The following EHD1 variants were observed in gnomAD, a reference collection of about 807,000 sequenced individuals.
EHD1 encodes the protein EH domain containing 1, also known as EH domain-containing protein 1.
Under a neutral mutation model 39.0 loss-of-function variants are expected in EHD1, and 19 were observed. The observed-to-expected ratio is 0.49, with a 90% CI of 0.34 to 0.72. The LOEUF (loss-of-function observed/expected upper bound fraction) is 0.72, where lower values mean the gene tolerates loss of function less well. EHD1 is among the 30% of genes least tolerant of loss of function. The probability of loss-of-function intolerance (pLI) is 0.01; values close to 1 mark genes in which losing one functional copy is unlikely to be tolerated. For synonymous variants in EHD1, 323 were observed against 331.2 expected (o/e 0.98, Z 0.27); for missense variants, 542 against 751.5 (o/e 0.72, Z 3.26).
chr11:64,860,324 G>A lies in EHD1; in HGVS notation c.515C>T (p.Ala172Val). 5 of 1,611,632 alleles carry A rather than the reference G, an allele frequency of 3.1e-6. No individual in the cohort carries two copies. Among genetic ancestry groups the A allele is most frequent in the Non-Finnish European group, 4.2e-6 (5 of 1,178,264 alleles). Residue 172 changes from alanine (A) to valine (V), a missense_variant, in exon 3 of 5, where the codon GCA (alanine) becomes GTA (valine). Physicochemically the swap from Ala to Val is moderately conservative, Grantham distance 64. Coordinates refer to ENST00000320631, the MANE Select transcript of EHD1 (RefSeq NM_006795.4). ...CTCCGCGAACCACTCCAGGACGGCT[G>A]CAAAGTCATAGCCTGGGGGGAAGAG... ...KQRISRGYDFAAVLEWFAERV... is the reference protein window; with the variant it reads ...KQRISRGYDFVAVLEWFAERV...
At chr11:64,855,665 C>T in intron 3 of EHD1, 179 bp from the exon 4 acceptor site, 1 of 837,746 alleles carries the variant, frequency 1.2e-6, no homozygotes, top group Non-Finnish European at 1.8e-6. Flanking sequence ...GGAGCAGACA[C>T]AATCTGGCAA....
In EHD1 at chr11:64,868,111, G is replaced by A. The variant is rs1171538662; in HGVS notation, c.502+6310C>T. Among the ~76,000 whole-genome samples the A allele has an allele frequency of 2.0e-5, 3 of 152,226 alleles. No homozygotes were observed. Among genetic ancestry groups the A allele is most frequent in the African/African-American group, 7.2e-5 (3 of 41,444 alleles). On this transcript the variant is annotated intron_variant, in intron 2 of 4. Transcript: ENST00000320631. This position sits in a 1 kb window ranked among gnomAD's most constrained non-coding sequence, Gnocchi z 4.2. ...AAAACACAGGTAGTTCCAGCCGCAG[G>A]GGGAAAAGCTGCTTTATACATTCCA...
At chr11:64,879,646 G>A (rs1360409619), upstream of EHD1, 3 of 1,550,842 alleles carry the variant, frequency 1.9e-6, no homozygotes, top group East Asian at 4.9e-5. Context: ...TCACTCCCCC[G>A]CCATCCTCCC....
intron 2 of EHD1, among the ~76,000 whole-genome samples, chr11:64,863,489 C>G (rs1229519935): frequency 6.6e-6 from 1 of 152,232 alleles, no homozygotes; most frequent in Admixed American, 6.5e-5. Context: ...GCATCCGCTG[C>G]TCCCACCCTG....
At chr11:64,860,360 T>C in intron 2 of EHD1, 24 bp from the exon 3 acceptor site, 1 of 1,594,348 alleles carries the variant, frequency 6.3e-7, no homozygotes. Flanking sequence ...AAGGGAGAGC[T>C]CAGGGGCGCC....
chr11:64,877,011 T>A (rs1303244832), intron 1 of EHD1, among the ~76,000 whole-genome samples: 1 of 152,202 alleles, frequency 6.6e-6, no homozygotes, highest in African/African-American at 2.4e-5. Context: ...GAAAGGAATG[T>A]GACCGTGCAG....
Position 64,868,550 on chromosome 11 carries a change from T to C in EHD1, c.502+5871A>G, listed in dbSNP as rs559024007. On this transcript the variant is annotated intron_variant, in intron 2 of 4. Transcript: ENST00000320631. The surrounding 1 kb of genome is among the most constrained non-coding windows in gnomAD (Gnocchi z 4.2). ...ACACAGATGCAGCTCAGAAGCATCC[T>C]GCTAAGTGAAGGTGGAAGCAAAAGG... Among the ~76,000 whole-genome samples, 11 of 152,316 alleles carry C rather than the reference T, an allele frequency of 7.2e-5. No individual in the cohort carries two copies. Among genetic ancestry groups the C allele is most frequent in the Middle Eastern group, 3.4e-3 (1 of 294 alleles).
Position 64,860,329 on chromosome 11 carries a change from G to C in EHD1, c.510C>G (p.Asp170Glu), listed in dbSNP as rs147528048. The C allele has an allele frequency of 1.9e-6, 3 of 1,609,382 alleles. No individual in the cohort carries two copies. In the South Asian group the frequency reaches 3.3e-5, roughly 18 times the overall value. The change falls in exon 3 of 5, where the codon GAC (aspartate) becomes GAG (glutamate). Residue 170 changes from aspartate to glutamate, a missense_variant. Asp to Glu is a conservative substitution (Grantham distance 45). Coordinates refer to ENST00000320631, the MANE Select transcript of EHD1 (RefSeq NM_006795.4). ...GEKQRISRGY[D>E]FAAVLEWFAE... ...CGAACCACTCCAGGACGGCTGCAAA[G>C]TCATAGCCTGGGGGGAAGAGAAGGG... is the stretch of plus-strand genomic sequence containing the variant.
rs34278325 is a variant in EHD1, at chr11:64,861,019, C to CAA, written c.503-685_503-684dup. ...TGGGCAACAGTGTGAGACTCCATCTCAAAAAAAAAAAAAAAAAATAGCCGG... is the reference window on the plus strand; with the variant it reads ...TGGGCAACAGTGTGAGACTCCATCTCAAAAAAAAAAAAAAAAAAAATAGCCGG... On this transcript the variant is annotated intron_variant, in intron 2 of 4. Coordinates refer to ENST00000320631, the MANE Select transcript of EHD1 (RefSeq NM_006795.4). Among the ~76,000 whole-genome samples the CAA allele has an allele frequency of 3.1e-3, 347 of 112,186 alleles. 5 individuals are homozygous for CAA. Among genetic ancestry groups the CAA allele is most frequent in the South Asian group, 9.7e-3 (32 of 3,310 alleles). The allele number at this position is 112,186 out of a possible 152,430, so 73.6% of individuals were successfully genotyped here. A position where few individuals can be genotyped will look rare whatever the true frequency, so the allele number is the denominator to read the frequency against.
At chr11:64,860,720 A>C (rs1264830948) in intron 2 of EHD1, among the ~76,000 whole-genome samples, 8 of 79,136 alleles carry the variant, frequency 1.0e-4, no homozygotes, top group East Asian at 6.8e-4. Context: ...ACTGTCGCGA[A>C]AAAAAAAAAA....
intron 1 of EHD1, 147 bp downstream of exon 1, chr11:64,877,914 G>GAATCGGGAGCGACCCA: frequency 1.3e-6 from 1 of 797,804 alleles, no homozygotes; most frequent in Non-Finnish European, 1.8e-6. Context: ...AAGGGGCAGG[G>GAATCGGGAGCGACCCA]CCCTTGGACC....
intron 2 of EHD1, among the ~76,000 whole-genome samples, chr11:64,860,630 A>G (rs1943705611): frequency 6.6e-6 from 1 of 151,448 alleles, no homozygotes; most frequent in Non-Finnish European, 1.5e-5. Context: ...GAAGCAGGAG[A>G]ATCGCTTGAA....
intron 2 of EHD1, among the ~76,000 whole-genome samples, chr11:64,871,655 G>A (rs1223619773): frequency 3.3e-5 from 5 of 152,176 alleles, no homozygotes; most frequent in East Asian, 3.9e-4. Context: ...TCCAATCAGC[G>A]TGATGTGCTT....
rs991962819 is a variant in EHD1 at position 64,868,030 on chromosome 11, C to A, written c.502+6391G>T. Among the ~76,000 whole-genome samples, 13 of 152,338 alleles carry A rather than the reference C, an allele frequency of 8.5e-5. No individual in the cohort carries two copies. In the Middle Eastern group the frequency reaches 0.01, roughly 120 times the overall value. ...ACAGCTGGACCATGTTTCCCGCCAGCACAGAAGGGGAAGAGGGAGGTTCTC... is the reference window on the plus strand; with the variant it reads ...ACAGCTGGACCATGTTTCCCGCCAGAACAGAAGGGGAAGAGGGAGGTTCTC... On this transcript the variant is annotated intron_variant, in intron 2 of 4. Transcript: ENST00000320631. The surrounding 1 kb of genome is among the most constrained non-coding windows in gnomAD (Gnocchi z 4.2).
At chr11:64,876,344 T>G (rs1943885210) in intron 1 of EHD1, among the ~76,000 whole-genome samples, 1 of 152,188 alleles carries the variant, frequency 6.6e-6, no homozygotes, top group African/African-American at 2.4e-5. Flanking sequence ...CTCCCCACAC[T>G]ACACATCCTG....
At chr11:64,859,040 C>G in intron 3 of EHD1, among the ~76,000 whole-genome samples, 1 of 152,264 alleles carries the variant, frequency 6.6e-6, no homozygotes, top group Non-Finnish European at 1.5e-5. Context: ...GCCAGGCCCC[C>G]CCAGCCCTTC....
chr11:64,874,096 G>A (rs1943859415), intron 2 of EHD1, among the ~76,000 whole-genome samples: 1 of 151,046 alleles, frequency 6.6e-6, no homozygotes, highest in Non-Finnish European at 1.5e-5. Flanking sequence ...ATGAGGTCAG[G>A]AGTTCGAGAC....
Position 64,854,371 on chromosome 11 carries a change from G to A in EHD1, c.1567C>T (p.Pro523Ser). 6.2e-7 allele frequency: 1 copy of A among 1,612,876 alleles called. No homozygotes were observed. The highest frequency in any genetic ancestry group is 8.5e-7 in the Non-Finnish European group (1 of 1,179,706). ...CGCTTGGAGGGCGGCACCAGGTGCG[G>A]GGGCAGGTCGGCGGGCAGCTCGTGG... is the stretch of plus-strand genomic sequence containing the variant. ...EGHELPADLPPHLVPPSKRRH... is the reference protein window; with the variant it reads ...EGHELPADLPSHLVPPSKRRH... Residue 523 changes from proline (P) to serine (S), a missense_variant, in exon 5 of 5, where the codon CCG becomes TCG. Physicochemically the swap from Pro to Ser is moderately conservative, Grantham distance 74 (BLOSUM62 -1). Coordinates refer to ENST00000320631, the MANE Select transcript of EHD1 (RefSeq NM_006795.4).
At chr11:64,854,961 C>T in intron 4 of EHD1, 104 bp from the exon 5 acceptor site, 2 of 1,435,114 alleles carry the variant, frequency 1.4e-6, no homozygotes, top group South Asian at 2.5e-5. Context: ...GTGCTGCTCC[C>T]CCACACTAGC....
Sources: allele counts gnomAD v4.1 joint callset (sites outside exome capture counted in the v4.1 genomes callset), GRCh38; gene constraint gnomAD v4.1.1; non-coding constraint Gnocchi (gnomAD v3.1); transcripts MANE v1.5; gene names NCBI Gene and HGNC (gene_info 2026-07-23, HGNC 2026-07-21).